CFH: variants seen among roughly 807,000 people sequenced by gnomAD.
CFH encodes the protein complement factor H, also known as H factor 1 (complement).
CFH carries 53 observed loss-of-function variants against 147.3 expected under a neutral mutation model. The ratio of observed to expected loss-of-function variants is 0.36; its 90% CI spans 0.29 to 0.45. The LOEUF is 0.45. CFH is among the 20% of genes least tolerant of loss of function. The pLI, the probability that CFH is intolerant of heterozygous loss-of-function variation, is 1.00. For synonymous variants in CFH, 536 were observed against 489.4 expected, an observed-to-expected ratio of 1.10 and a Z score of -1.26; for missense variants, 1,380 against 1,498.0, an observed-to-expected ratio of 0.92 and a Z score of 1.30.
At chr1:196,652,262 T>A (rs1285493052) in intron 1 of CFH, 87 bp downstream of exon 1, 1 of 1,053,644 alleles carries the variant, frequency 9.5e-7, no homozygotes, top group African/African-American at 1.6e-5. Flanking sequence ...AAAATTTGAT[T>A]TAGAAAATGT....
intron 9 of CFH, among the ~76,000 whole-genome samples, chr1:196,706,538 AAG>A (rs2149098722): frequency 6.6e-6 from 1 of 152,314 alleles, no homozygotes; most frequent in East Asian, 1.9e-4. Flanking sequence ...AGAAGATGTA[AAG>A]AGAGAATTCG....
Position 196,740,671 on chromosome 1 carries a change from G to A in CFH, c.2835G>A (p.Met945Ile), listed in dbSNP as rs1052991901. 1 of 1,613,622 alleles carries A rather than the reference G, an allele frequency of 6.2e-7. No homozygotes were observed. The highest frequency in any genetic ancestry group is 8.5e-7 in the Non-Finnish European group (1 of 1,179,932). Residue 945 changes from methionine to isoleucine, a missense_variant, in exon 18 of 22, where the codon ATG (methionine) becomes ATA (isoleucine). By Grantham distance (10) the Met-to-Ile change is conservative. Transcript: ENST00000367429. Reference sequence around the variant, plus strand: ...TTTCTCATGGTGTTGTAGCTCACATGTCAGACAGTTATCAGTATGGAGAAG... The same window carrying A: ...TTTCTCATGGTGTTGTAGCTCACATATCAGACAGTTATCAGTATGGAGAAG... ...PEISHGVVAH[M>I]SDSYQYGEEV... is the part of the protein sequence containing the mutation.
At chr1:196,656,162 G>A (rs1666678764) in intron 1 of CFH, among the ~76,000 whole-genome samples, 1 of 152,000 alleles carries the variant, frequency 6.6e-6, no homozygotes, top group Non-Finnish European at 1.5e-5. Flanking sequence ...AAATTAGCCA[G>A]GCGTGGTGGC....
chr1:196,668,527 A>T (rs1394422179), intron 1 of CFH, among the ~76,000 whole-genome samples: 2 of 152,178 alleles, frequency 1.3e-5, no homozygotes, highest in East Asian at 3.9e-4. Flanking sequence ...TAATCTCCAT[A>T]ATCATCACAT....
intron 1 of CFH, among the ~76,000 whole-genome samples, chr1:196,664,384 T>A (rs1667007571): frequency 1.3e-5 from 2 of 152,162 alleles, no homozygotes; most frequent in South Asian, 2.1e-4. Context: ...TGTGAAGGTG[T>A]CCTAAGTGAT....
chr1:196,679,652 A>G lies in CFH; in HGVS notation c.649A>G (p.Asn217Asp), dbSNP rs371642012. Residue 217 changes from asparagine (N) to aspartate (D), a missense_variant, in exon 6 of 22, where the codon AAT becomes GAT. Transcript: ENST00000367429. ...TTCATGCAAATCCCCAGATGTTATAAATGGATCTCCTATATCTCAGAAGAT... is the reference window on the plus strand; with the variant it reads ...TTCATGCAAATCCCCAGATGTTATAGATGGATCTCCTATATCTCAGAAGAT... ...EISCKSPDVINGSPISQKIIY... is the reference protein window; with the variant it reads ...EISCKSPDVIDGSPISQKIIY... The G allele has an allele frequency of 6.2e-7, 1 of 1,606,950 alleles. No homozygotes were observed. The highest frequency in any genetic ancestry group is 1.3e-5 in the African/African-American group (1 of 74,700).
intron 11 of CFH, among the ~76,000 whole-genome samples, chr1:196,720,559 T>A (rs1668974813): frequency 6.6e-6 from 1 of 152,014 alleles, no homozygotes; most frequent in African/African-American, 2.4e-5. Flanking sequence ...ATCTGAATTA[T>A]TTTACCTAAA....
intron 9 of CFH, among the ~76,000 whole-genome samples, chr1:196,698,149 T>C (rs1668341497): frequency 6.6e-6 from 1 of 151,744 alleles, no homozygotes; most frequent in Non-Finnish European, 1.5e-5. Context: ...AAACTTAAAG[T>C]ATAATAATAA....
In CFH at chr1:196,683,308, A is replaced by ATATG. The variant is rs1484721350; in HGVS notation, c.791-1753_791-1750dup. On this transcript the variant is annotated intron_variant, in intron 6 of 21. Transcript: ENST00000367429. ...TCAATAAATAATTAAGAAGTCCATA[A>ATATG]TATGTACCAGTGACTGGAATATGTG... is the stretch of plus-strand genomic sequence containing the variant. 4.0e-5 allele frequency among the ~76,000 whole-genome samples: 6 copies of ATATG among 151,746 alleles called. 1 individual carries two copies. Among genetic ancestry groups the ATATG allele is most frequent in the African/African-American group, 1.4e-4 (6 of 41,414 alleles).
intron 15 of CFH, among the ~76,000 whole-genome samples, chr1:196,730,798 T>C (rs1669263935): frequency 6.6e-6 from 1 of 151,832 alleles, no homozygotes; most frequent in East Asian, 1.9e-4. Context: ...AGTTGTATTA[T>C]CTTGACAAAT....
intron 9 of CFH, among the ~76,000 whole-genome samples, chr1:196,691,289 C>T (rs1425869012): frequency 6.6e-6 from 1 of 152,062 alleles, no homozygotes; most frequent in African/African-American, 2.4e-5. Context: ...TACAGTAAAG[C>T]TATTTGACTT....
At chr1:196,738,176 C>A (rs1652655782) in intron 17 of CFH, among the ~76,000 whole-genome samples, 1 of 152,104 alleles carries the variant, frequency 6.6e-6, no homozygotes, top group Non-Finnish European at 1.5e-5. Context: ...CAACTACTTC[C>A]TACTGAGTCC....
chr1:196,739,213 G>T, intron 17 of CFH, among the ~76,000 whole-genome samples: 1 of 152,164 alleles, frequency 6.6e-6, no homozygotes, highest in South Asian at 2.1e-4. Context: ...TGTCATGAAG[G>T]CCTCTGACAT....
intron 15 of CFH, among the ~76,000 whole-genome samples, chr1:196,729,093 T>C (rs563152695): frequency 2.6e-5 from 4 of 152,192 alleles, no homozygotes; most frequent in African/African-American, 9.6e-5. Context: ...TCTTCTCATA[T>C]TTTATATCTG....
intron 9 of CFH, among the ~76,000 whole-genome samples, chr1:196,696,513 G>A (rs1207699912): frequency 6.6e-6 from 1 of 152,112 alleles, no homozygotes; most frequent in African/African-American, 2.4e-5. Context: ...AAGTGGGAAA[G>A]ATCTAAACTT....
intron 5 of CFH, 156 bp from the exon 6 acceptor site, chr1:196,679,467 T>A: frequency 3.7e-6 from 2 of 542,490 alleles, no homozygotes; most frequent in South Asian, 4.9e-5. Context: ...TTTCTTCAGA[T>A]AAATCATTTA....
At chr1:196,731,817 C>T (rs569326043) in intron 15 of CFH, among the ~76,000 whole-genome samples, 2 of 151,988 alleles carry the variant, frequency 1.3e-5, no homozygotes, top group East Asian at 1.9e-4. Context: ...TATCATTCCA[C>T]TTCCTTATGG....
chr1:196,679,204 A>G (rs904146081), intron 5 of CFH: 1 of 157,194 alleles, frequency 6.4e-6, no homozygotes, highest in African/African-American at 2.4e-5. Context: ...GTTACTTTTC[A>G]GAGATGTAAT....
chr1:196,699,082 C>A (rs983149474), intron 9 of CFH, among the ~76,000 whole-genome samples: 23 of 152,060 alleles, frequency 1.5e-4, no homozygotes, highest in Non-Finnish European at 2.9e-4. Context: ...TTTTTAAAAA[C>A]CCATAGCAAA....
Sources: gnomAD v4.1 joint callset for allele counts (sites outside exome capture counted in the v4.1 genomes callset) on GRCh38, gnomAD v4.1.1 for gene constraint, MANE v1.5 for transcripts, NCBI Gene and HGNC (gene_info 2026-07-23, HGNC 2026-07-21) for gene names.